The following SNX29 variants were observed in gnomAD, a reference collection of about 807,000 sequenced individuals.
SNX29 encodes the protein sorting nexin-29.
Under a neutral mutation model 102.1 loss-of-function variants are expected in SNX29, and 78 were observed. The ratio of observed to expected loss-of-function variants is 0.76; its 90% CI spans 0.64 to 0.92. The LOEUF is 0.92. Among genes scored for constraint, SNX29 ranks in the 40% least tolerant of loss-of-function variants. The pLI is 0.00. For synonymous variants in SNX29, 580 were observed against 414.5 expected, an observed-to-expected ratio of 1.40 and a Z score of -4.85; for missense variants, 1,280 against 1,061.7, an observed-to-expected ratio of 1.21 and a Z score of -2.86.
chr16:12,134,219 G>T (rs530990418), intron 13 of SNX29, among the ~76,000 whole-genome samples: 3 of 152,318 alleles, frequency 2.0e-5, no homozygotes, highest in African/African-American at 7.2e-5. Context: ...GAATTATTGT[G>T]GGGGGTCATT....
intron 14 of SNX29, among the ~76,000 whole-genome samples, chr16:12,274,758 T>C (rs1183317613): frequency 1.3e-5 from 2 of 152,200 alleles, no homozygotes; most frequent in African/African-American, 4.8e-5. Flanking sequence ...GCTTGTATTC[T>C]ATTTTGTTAT....
intron 19 of SNX29, among the ~76,000 whole-genome samples, chr16:12,493,604 G>A (rs900630774): frequency 2.0e-5 from 3 of 152,168 alleles, no homozygotes; most frequent in Non-Finnish European, 4.4e-5. Context: ...GGGCGTTGTT[G>A]TTGTTTTGAG....
intron 17 of SNX29, among the ~76,000 whole-genome samples, chr16:12,402,688 G>C (rs1196797999): frequency 6.6e-6 from 1 of 152,172 alleles, no homozygotes; most frequent in Non-Finnish European, 1.5e-5. Context: ...TGGCCCACGC[G>C]AGGTGAGAAA....
chr16:12,539,392 TGTGTGAGAACCGTCA>T (rs1384435715), intron 20 of SNX29, among the ~76,000 whole-genome samples: 1 of 152,112 alleles, frequency 6.6e-6, no homozygotes, highest in Non-Finnish European at 1.5e-5. Context: ...TCTTTCAGCA[TGTGTGAGAACCGTCA>T]AGTCGTTGGG....
chr16:12,566,421 G>C (rs948794733), intron 20 of SNX29, among the ~76,000 whole-genome samples: 1 of 41,568 alleles, frequency 2.4e-5, no homozygotes. Flanking sequence ...GTTACCTCCA[G>C]GGCCTCTCCC....
intron 18 of SNX29, among the ~76,000 whole-genome samples, chr16:12,468,736 G>T (rs58963806): frequency 0.013 from 2,026 of 152,344 alleles, 45 homozygotes; most frequent in African/African-American, 0.046. Flanking sequence ...ACCTGGTGGT[G>T]ACTGAGGAGG....
chr16:12,002,299 T>C (rs1230886089), intron 2 of SNX29, among the ~76,000 whole-genome samples: 1 of 151,782 alleles, frequency 6.6e-6, no homozygotes. Context: ...AATACAAAAA[T>C]TAGCCGGGCA....
intron 16 of SNX29, among the ~76,000 whole-genome samples, chr16:12,362,166 C>A (rs1438168337): frequency 6.6e-6 from 1 of 152,182 alleles, no homozygotes; most frequent in Non-Finnish European, 1.5e-5. Context: ...CTGACAAAAC[C>A]GTAATGGATT....
intron 14 of SNX29, among the ~76,000 whole-genome samples, chr16:12,207,622 G>A (rs75745567): frequency 0.019 from 2,934 of 152,006 alleles, 94 homozygotes; most frequent in African/African-American, 0.067. Flanking sequence ...AACACTTTAC[G>A]ACCCCACTCT....
intron 20 of SNX29, among the ~76,000 whole-genome samples, chr16:12,566,403 C>G (rs1469950900): frequency 7.9e-6 from 1 of 126,386 alleles, no homozygotes; most frequent in East Asian, 2.3e-4. Flanking sequence ...CAGGCACTCT[C>G]AGAGCCTGTT....
intron 16 of SNX29, among the ~76,000 whole-genome samples, chr16:12,357,493 T>C (rs11075063): frequency 0.099 from 15,002 of 152,262 alleles, 1,573 homozygotes; most frequent in African/African-American, 0.27. Flanking sequence ...TTGGTTAATA[T>C]GTCTCTATGT....
intron 14 of SNX29, among the ~76,000 whole-genome samples, chr16:12,260,462 G>A (rs958775523): frequency 3.9e-5 from 6 of 152,252 alleles, no homozygotes; most frequent in African/African-American, 1.4e-4. Flanking sequence ...GGCTTGAGGC[G>A]CTGGCCCATG....
intron 14 of SNX29, among the ~76,000 whole-genome samples, chr16:12,254,934 G>A (rs2078525282): frequency 1.3e-5 from 2 of 152,316 alleles, no homozygotes; most frequent in South Asian, 2.1e-4. Context: ...CTCTTTCCAG[G>A]AGGTTGGCTG....
chr16:12,512,659 T>G (rs1326172667), intron 19 of SNX29, among the ~76,000 whole-genome samples: 3 of 151,910 alleles, frequency 2.0e-5, no homozygotes, highest in Non-Finnish European at 4.4e-5. Flanking sequence ...ATGGATTCTC[T>G]CTACCATGGG....
chr16:12,257,340 A>C (rs2142444711), intron 14 of SNX29, among the ~76,000 whole-genome samples: 1 of 152,290 alleles, frequency 6.6e-6, no homozygotes, highest in Non-Finnish European at 1.5e-5. Context: ...TTAAGGGCTC[A>C]CGTCATTAGA....
intron 16 of SNX29, among the ~76,000 whole-genome samples, chr16:12,369,344 C>T (rs1056226538): frequency 2.0e-5 from 3 of 152,038 alleles, no homozygotes; most frequent in East Asian, 3.9e-4. Context: ...CCATGTTGGC[C>T]AGGCTGGTCT....
intron 16 of SNX29, among the ~76,000 whole-genome samples, chr16:12,387,822 A>G (rs1007175283): frequency 2.6e-5 from 4 of 152,138 alleles, no homozygotes; most frequent in African/African-American, 9.7e-5. Context: ...TTCTTCCCCT[A>G]CTTCCATGCC....
chr16:12,522,366 T>G (rs144118502), intron 19 of SNX29, among the ~76,000 whole-genome samples: 118 of 152,310 alleles, frequency 7.7e-4, no homozygotes, highest in African/African-American at 2.7e-3. Flanking sequence ...CTTGCCATGC[T>G]CGGGGCCTTG....
Position 12,182,492 on chromosome 16 carries a change from C to G in SNX29, c.1596-17109C>G, listed in dbSNP as rs544103267. On this transcript the variant is annotated intron_variant, in intron 13 of 20. Coordinates refer to ENST00000566228, the MANE Select transcript of SNX29 (RefSeq NM_032167.5). ...GCTCATTCAGAGCAGAGCTTCCCAG[C>G]CACTGTGCTGCAGTTGGTTCTTGGG... 2.2e-4 allele frequency among the ~76,000 whole-genome samples: 34 copies of G among 152,246 alleles called. No individual in the cohort carries two copies. In the South Asian group the frequency reaches 6.4e-3, roughly 29 times the overall value.
Sources: gnomAD v4.1 joint callset for allele counts (sites outside exome capture counted in the v4.1 genomes callset) on GRCh38, gnomAD v4.1.1 for gene constraint, MANE v1.5 for transcripts, NCBI Gene and HGNC (gene_info 2026-07-23, HGNC 2026-07-21) for gene names.